The following DLC1 variants were observed in gnomAD, a reference collection of about 807,000 sequenced individuals.
DLC1 encodes the protein rho GTPase-activating protein 7.
A neutral mutation model predicts 140.3 loss-of-function variants in DLC1; 54 were observed. The ratio of observed to expected loss-of-function variants is 0.38; its 90% CI spans 0.31 to 0.48. The LOEUF (loss-of-function observed/expected upper bound fraction) is 0.48. DLC1 is among the 20% of genes least tolerant of loss of function. The pLI is 0.96. For synonymous variants in DLC1, 986 were observed against 728.1 expected (o/e 1.35, Z -5.70); for missense variants, 2,536 against 1,907.0 (o/e 1.33, Z -6.14).
chr8:13,314,904 C>T (rs746029902), intron 4 of DLC1, among the ~76,000 whole-genome samples: 5 of 152,136 alleles, frequency 3.3e-5, no homozygotes, highest in Non-Finnish European at 7.4e-5. Flanking sequence ...GTGGTAACCA[C>T]CCACAAATTT....
At chr8:13,534,621 T>C (rs1666728241) in intron 1 of DLC1, among the ~76,000 whole-genome samples, 2 of 152,116 alleles carry the variant, frequency 1.3e-5, no homozygotes, top group African/African-American at 4.8e-5. Flanking sequence ...TACTGATCTC[T>C]AGGAAAAGCG....
At chr8:13,130,926 G>A (rs1016525181) in intron 5 of DLC1, among the ~76,000 whole-genome samples, 21 of 152,334 alleles carry the variant, frequency 1.4e-4, no homozygotes, top group Admixed American at 1.4e-3. Context: ...CTGAACAGTA[G>A]TACTAATGCA....
intron 5 of DLC1, among the ~76,000 whole-genome samples, chr8:13,170,502 G>T (rs1825387313): frequency 6.6e-6 from 1 of 152,130 alleles, no homozygotes; most frequent in Admixed American, 6.5e-5. Context: ...GGGCCAAGGT[G>T]GGCGGATCAT....
At chr8:13,479,322 G>C (rs1800575867) in intron 2 of DLC1, among the ~76,000 whole-genome samples, 1 of 152,124 alleles carries the variant, frequency 6.6e-6, no homozygotes, top group African/African-American at 2.4e-5. Flanking sequence ...CTGCTGATCT[G>C]GTCCAGTGAG....
chr8:13,102,892 C>A (rs1265856678), intron 7 of DLC1, 39 bp from the exon 8 acceptor site: 2 of 1,577,822 alleles, frequency 1.3e-6, no homozygotes, highest in East Asian at 4.5e-5. Flanking sequence ...AGATAGGCAA[C>A]CACTCTCTAA....
chr8:13,445,209 TG>T (rs1245008376), intron 2 of DLC1, among the ~76,000 whole-genome samples: 1 of 152,164 alleles, frequency 6.6e-6, no homozygotes, highest in Non-Finnish European at 1.5e-5. Flanking sequence ...TGCATGCTCT[TG>T]GTGTCTCAAT....
intron 1 of DLC1, chr8:13,583,930 A>T (rs543806714): frequency 6.6e-6 from 1 of 152,366 alleles, no homozygotes; most frequent in South Asian, 2.1e-4. Context: ...GACATCCTGG[A>T]CAGCTATCAT....
intron 1 of DLC1, chr8:13,567,445 CTTGGA>C (rs1203747318): frequency 6.4e-7 from 1 of 1,552,006 alleles, no homozygotes; most frequent in East Asian, 2.4e-5. Flanking sequence ...AAAGCTGCAT[CTTGGA>C]TTGGATGTAG....
At chr8:13,346,164 A>G (rs79707735) in intron 4 of DLC1, among the ~76,000 whole-genome samples, 4,774 of 152,318 alleles carry the variant, frequency 0.031, 233 homozygotes, top group African/African-American at 0.11. Context: ...CTTTGGGATT[A>G]GATAGCCTTA....
rs554688283 is a variant in DLC1 at position 13,103,296 on chromosome 8, G to A, written c.1503-443C>T. ...ACTGCACTCCAGCCTGGGCGACAGAGTGAGACTCCTTCTCAAAATAAATAA... is the reference window on the plus strand; with the variant it reads ...ACTGCACTCCAGCCTGGGCGACAGAATGAGACTCCTTCTCAAAATAAATAA... On this transcript the variant is annotated intron_variant, in intron 7 of 17. Transcript: ENST00000276297. 2.1e-3 allele frequency among the ~76,000 whole-genome samples: 315 copies of A among 150,554 alleles called. 1 individual carries two copies. The highest frequency in any genetic ancestry group is 7.1e-3 in the African/African-American group (290 of 41,084).
intron 6 of DLC1, among the ~76,000 whole-genome samples, chr8:13,112,842 T>A (rs1181379132): frequency 6.6e-6 from 1 of 152,160 alleles, no homozygotes; most frequent in African/African-American, 2.4e-5. Flanking sequence ...CCACCATTCC[T>A]GGCCAATATT....
chr8:13,268,455 C>G (rs1430645895), intron 5 of DLC1, among the ~76,000 whole-genome samples: 1 of 151,782 alleles, frequency 6.6e-6, no homozygotes, highest in African/African-American at 2.4e-5. Flanking sequence ...GCTGGGACTA[C>G]AGGCGCGCAG....
At chr8:13,473,486 G>T (rs901172499) in intron 2 of DLC1, among the ~76,000 whole-genome samples, 1 of 152,162 alleles carries the variant, frequency 6.6e-6, no homozygotes, top group Non-Finnish European at 1.5e-5. Flanking sequence ...GGTACCAGTA[G>T]AGCGGGGTGC....
chr8:13,432,499 A>T (rs1318282108), intron 2 of DLC1, among the ~76,000 whole-genome samples: 1 of 152,180 alleles, frequency 6.6e-6, no homozygotes, highest in Non-Finnish European at 1.5e-5. Flanking sequence ...TAACAGGTTT[A>T]TTTTCATTTT....
At chr8:13,307,611 G>A (rs1832502651) in intron 4 of DLC1, among the ~76,000 whole-genome samples, 1 of 152,156 alleles carries the variant, frequency 6.6e-6, no homozygotes, top group Admixed American at 6.5e-5. Flanking sequence ...AAATAAAACA[G>A]AAACCTTTCT....
chr8:13,346,926 C>G (rs886086299), intron 4 of DLC1, among the ~76,000 whole-genome samples: 2 of 152,200 alleles, frequency 1.3e-5, no homozygotes, highest in African/African-American at 4.8e-5. Flanking sequence ...CAACCGTGGT[C>G]TGAAAATAGT....
chr8:13,144,511 A>G (rs1585760850), intron 5 of DLC1, among the ~76,000 whole-genome samples: 2 of 152,194 alleles, frequency 1.3e-5, no homozygotes, highest in Non-Finnish European at 2.9e-5. Context: ...CATGCCTGTA[A>G]TATCAGCACT....
intron 1 of DLC1, among the ~76,000 whole-genome samples, chr8:13,572,100 T>TTA (rs1554545685): frequency 1.0e-4 from 15 of 149,896 alleles, no homozygotes; most frequent in Non-Finnish European, 1.9e-4. Context: ...TATTTATTTT[T>TTA]TTTTTTTGAG....
chr8:13,113,313 A>G (rs1820271157), intron 6 of DLC1, among the ~76,000 whole-genome samples: 2 of 152,298 alleles, frequency 1.3e-5, no homozygotes, highest in East Asian at 3.9e-4. Context: ...TGGGGTGTAT[A>G]GTGTATGTAC....
Sources: allele counts gnomAD v4.1 joint callset (sites outside exome capture counted in the v4.1 genomes callset), GRCh38; gene constraint gnomAD v4.1.1; transcripts MANE v1.5; gene names NCBI Gene and HGNC (gene_info 2026-07-23, HGNC 2026-07-21).